The following DAP variants were observed in gnomAD, a reference collection of about 807,000 sequenced individuals.
DAP encodes death associated protein.
Under a neutral mutation model 13.8 loss-of-function variants are expected in DAP, and 8 were observed. The observed-to-expected ratio is 0.58, with a 90% CI of 0.34 to 1.05. DAP has a LOEUF of 1.05. Ranked by LOEUF, DAP falls within the 50% of genes least tolerant of loss-of-function variation. DAP has a pLI of 0.03. For missense variants in DAP, 106 were observed against 133.2 expected, an observed-to-expected ratio of 0.80 and a Z score of 1.01; for synonymous variants, 47 against 47.5, an observed-to-expected ratio of 0.99 and a Z score of 0.04.
chr5:10,757,914 A>C (rs1474343515), intron 1 of DAP, among the ~76,000 whole-genome samples: 2 of 152,206 alleles, frequency 1.3e-5, no homozygotes, highest in Non-Finnish European at 2.9e-5. Context: ...CAGCCCTGGA[A>C]GCAAGAAGAC....
chr5:10,739,343 T>C (rs1044564319), intron 2 of DAP, among the ~76,000 whole-genome samples: 2 of 148,320 alleles, frequency 1.3e-5, no homozygotes, highest in Non-Finnish European at 1.5e-5. Context: ...TTTCTGTATG[T>C]CTGAAATTAT....
Position 10,679,402 on chromosome 5 carries a change from C to G in DAP, c.*1654G>C, listed in dbSNP as rs1468374018. Reference sequence around the variant, plus strand: ...ACCTCTGGAAATAACAGCCCTCCCTCTGGCTGAAGACTGAGAAGCATTAAG... The same window carrying G: ...ACCTCTGGAAATAACAGCCCTCCCTGTGGCTGAAGACTGAGAAGCATTAAG... On this transcript the variant is annotated 3_prime_UTR_variant, in exon 4 of 4. Transcript: ENST00000230895. 2 of 152,412 alleles carry G rather than the reference C, an allele frequency of 1.3e-5. No homozygotes were observed. The highest frequency in any genetic ancestry group is 4.8e-5 in the African/African-American group (2 of 41,472). 9.4% of individuals were successfully genotyped at this position (152,412 alleles called of 1,614,324 possible).
chr5:10,683,739 G>T (rs577152702), intron 2 of DAP, among the ~76,000 whole-genome samples, 168 bp from the exon 3 acceptor site: 3 of 152,296 alleles, frequency 2.0e-5, no homozygotes, highest in Non-Finnish European at 4.4e-5. Flanking sequence ...TACGGGGCTC[G>T]GGAGCCTCCT....
At position 10,683,303 on chromosome 5, in the gene DAP, T is replaced by A. The variant is rs2289289; in HGVS notation, c.195+226A>T. The A allele has an allele frequency of 2.8e-4, 174 of 611,548 alleles. 1 individual carries two copies. In the East Asian group the frequency reaches 4.3e-3, roughly 15 times the overall value. 37.9% of individuals were successfully genotyped at this position (611,548 alleles called of 1,614,324 possible). A position where few individuals can be genotyped will look rare whatever the true frequency, so the allele number is the denominator to read the frequency against. On this transcript the variant is annotated intron_variant, in intron 3 of 3. Transcript: ENST00000230895. ...TCTGCGCTTAAGTCACAATGTTGGG[T>A]CTCACCAGACGGCGGCTCTGGAAAG... is the stretch of plus-strand genomic sequence containing the variant.
chr5:10,756,265 G>A, intron 1 of DAP, among the ~76,000 whole-genome samples: 1 of 140,734 alleles, frequency 7.1e-6, no homozygotes, highest in Admixed American at 7.0e-5. Context: ...AACAAGGGCA[G>A]ACCTCTTACC....
chr5:10,688,763 A>C (rs1282837568), intron 2 of DAP, among the ~76,000 whole-genome samples: 1 of 152,116 alleles, frequency 6.6e-6, no homozygotes, highest in Non-Finnish European at 1.5e-5. Context: ...CTACCCTGTG[A>C]GTACGCCACC....
At chr5:10,701,648 C>T (rs1363776432) in intron 2 of DAP, among the ~76,000 whole-genome samples, 1 of 152,262 alleles carries the variant, frequency 6.6e-6, no homozygotes, top group Admixed American at 6.5e-5. Flanking sequence ...CCTGCCATCT[C>T]GTCTCTGACC....
intron 2 of DAP, among the ~76,000 whole-genome samples, chr5:10,691,659 C>CA (rs1254702782): frequency 6.6e-6 from 1 of 152,196 alleles, no homozygotes; most frequent in Non-Finnish European, 1.5e-5. Context: ...TCTCAGGAAA[C>CA]AGAGAGTGAA....
intron 2 of DAP, among the ~76,000 whole-genome samples, chr5:10,737,391 A>AAG: frequency 6.6e-6 from 1 of 150,970 alleles, no homozygotes; most frequent in Non-Finnish European, 1.5e-5. Context: ...ACAACAAAAA[A>AAG]AACTGGAGCT....
At chr5:10,682,899 G>A (rs1738059800) in intron 3 of DAP, among the ~76,000 whole-genome samples, 1 of 152,218 alleles carries the variant, frequency 6.6e-6, no homozygotes, top group Admixed American at 6.5e-5. Context: ...GTTCAGATGT[G>A]CCACCACAGC....
Position 10,756,225 on chromosome 5 carries a change from A to T in DAP, c.55+4789T>A, listed in dbSNP as rs961941814. Among the ~76,000 whole-genome samples, 21 of 140,402 alleles carry T rather than the reference A, an allele frequency of 1.5e-4. 2 individuals are homozygous for T. Among genetic ancestry groups the T allele is most frequent in the Admixed American group, 1.4e-3 (20 of 14,164 alleles). The allele number at this position is 140,402 out of a possible 152,430, so 92.1% of individuals were successfully genotyped here. ...AGGCTTCTGAAAAAAGATAGTAACT[A>T]AAGGGTCTTGTTTTCCTTGGCATGT... On this transcript the variant is annotated intron_variant, in intron 1 of 3. Coordinates refer to ENST00000230895, the MANE Select transcript of DAP (RefSeq NM_004394.3).
chr5:10,741,952 A>G (rs573781311), intron 2 of DAP, among the ~76,000 whole-genome samples: 6 of 152,306 alleles, frequency 3.9e-5, no homozygotes, highest in African/African-American at 1.4e-4. Flanking sequence ...TAATTAATAG[A>G]TATATTGGGG....
chr5:10,753,981 G>C (rs1421241068), intron 1 of DAP, among the ~76,000 whole-genome samples: 1 of 152,250 alleles, frequency 6.6e-6, no homozygotes, highest in African/African-American at 2.4e-5. Context: ...ATCTCAGGTA[G>C]AGCAATGTAG....
At chr5:10,736,806 TG>T (rs1171513191) in intron 2 of DAP, among the ~76,000 whole-genome samples, 5 of 152,258 alleles carry the variant, frequency 3.3e-5, no homozygotes, top group Non-Finnish European at 5.9e-5. Context: ...AAATCAGGCC[TG>T]CTTTTTATTC....
chr5:10,722,521 C>CATGCATAT (rs1739169660), intron 2 of DAP, among the ~76,000 whole-genome samples: 1 of 150,398 alleles, frequency 6.6e-6, no homozygotes, highest in Non-Finnish European at 1.5e-5. Context: ...CATACATATA[C>CATGCATAT]ATATACATGC....
At chr5:10,727,546 G>A (rs1348655575) in intron 2 of DAP, among the ~76,000 whole-genome samples, 1 of 152,162 alleles carries the variant, frequency 6.6e-6, no homozygotes, top group African/African-American at 2.4e-5. Context: ...CATTCTGAGG[G>A]TTTAGATGGG....
intron 2 of DAP, among the ~76,000 whole-genome samples, chr5:10,686,425 C>T (rs567108289): frequency 6.6e-6 from 1 of 152,156 alleles, no homozygotes; most frequent in South Asian, 2.1e-4. Flanking sequence ...GTCTCTTGCA[C>T]CAAATAGCCA....
At chr5:10,735,991 C>T (rs1021075090) in intron 2 of DAP, among the ~76,000 whole-genome samples, 1 of 152,114 alleles carries the variant, frequency 6.6e-6, no homozygotes, top group Non-Finnish European at 1.5e-5. Context: ...AGAGGTCATA[C>T]TGGAGAAGGG....
intron 2 of DAP, among the ~76,000 whole-genome samples, chr5:10,709,250 T>C (rs1360870551): frequency 6.6e-6 from 1 of 152,248 alleles, no homozygotes; most frequent in Non-Finnish European, 1.5e-5. Context: ...TTTTTAGGTT[T>C]GCTATTCAGG....
Sources: allele counts gnomAD v4.1 joint callset (sites outside exome capture counted in the v4.1 genomes callset), GRCh38; gene constraint gnomAD v4.1.1; transcripts MANE v1.5; gene names NCBI Gene and HGNC (gene_info 2026-07-23, HGNC 2026-07-21).